The following CHODL variants were observed in gnomAD, a reference collection of about 807,000 sequenced individuals.
The protein encoded by CHODL is transmembrane protein MT75.
In CHODL, 29 loss-of-function variants were observed where a neutral mutation model predicts 34.5. The observed-to-expected ratio is 0.84, with a 90% CI of 0.63 to 1.15. CHODL has a LOEUF of 1.15. Ranked by LOEUF, CHODL falls within the 50% of genes most tolerant of loss-of-function variation. The probability of loss-of-function intolerance (pLI) is 0.00; values close to 1 mark genes in which losing one functional copy is unlikely to be tolerated. For synonymous variants in CHODL, 125 were observed against 116.1 expected (o/e 1.08, Z -0.49); for missense variants, 332 against 332.5 (o/e 1.00, Z 0.01).
At chr21:17,960,795 T>G (rs1568817947) in intron 1 of CHODL, among the ~76,000 whole-genome samples, 2 of 152,276 alleles carry the variant, frequency 1.3e-5, no homozygotes, top group Non-Finnish European at 2.9e-5. Context: ...TTGATCAACA[T>G]TCCTCCTCAA....
chr21:18,129,529 T>C lies in CHODL; in HGVS notation c.-45+101558T>C, dbSNP rs969235126. On this transcript the variant is annotated intron_variant, in intron 2 of 6. Transcript: ENST00000400127. Reference sequence around the variant, plus strand: ...GAGGAAATTCTATCAATTTGAATAATAGACAGTGAGAGTTCTTGAGTTCTT... The same window carrying C: ...GAGGAAATTCTATCAATTTGAATAACAGACAGTGAGAGTTCTTGAGTTCTT... Among the ~76,000 whole-genome samples the C allele has an allele frequency of 6.9e-4, 105 of 152,204 alleles. 1 individual carries two copies. Among genetic ancestry groups the C allele is most frequent in the African/African-American group, 2.5e-3 (103 of 41,454 alleles).
chr21:18,192,589 A>G lies in CHODL; in HGVS notation c.-44-63920A>G, dbSNP rs990067432. On this transcript the variant is annotated intron_variant, in intron 2 of 6. Coordinates refer to the CHODL transcript ENST00000400127. Reference sequence around the variant, plus strand: ...ACATTTACATAGGTTTACTAGTGCTATATTTTAACTTGGACATATCATTTT... The same window carrying G: ...ACATTTACATAGGTTTACTAGTGCTGTATTTTAACTTGGACATATCATTTT... 5.3e-5 allele frequency among the ~76,000 whole-genome samples: 8 copies of G among 152,196 alleles called. No homozygotes were observed. In the East Asian group the frequency reaches 1.3e-3, roughly 26 times the overall value.
chr21:18,217,024 A>G (rs1601160140), intron 2 of CHODL, among the ~76,000 whole-genome samples: 1 of 152,240 alleles, frequency 6.6e-6, no homozygotes, highest in East Asian at 1.9e-4. Flanking sequence ...TACAATATAT[A>G]CCACATTTTC....
At chr21:18,136,105 CA>C (rs67552520) in intron 2 of CHODL, among the ~76,000 whole-genome samples, 6 of 89,472 alleles carry the variant, frequency 6.7e-5, no homozygotes, top group Non-Finnish European at 1.0e-4. Context: ...GATTATGTCT[CA>C]AAAAAAAAAA....
intron 2 of CHODL, among the ~76,000 whole-genome samples, chr21:18,102,599 C>A (rs2065228845): frequency 6.6e-6 from 1 of 152,048 alleles, no homozygotes; most frequent in Non-Finnish European, 1.5e-5. Context: ...TGCTGTTTAA[C>A]AAAAAATCAC....
chr21:18,106,497 T>C (rs1006445733), intron 2 of CHODL, among the ~76,000 whole-genome samples: 4 of 119,206 alleles, frequency 3.4e-5, no homozygotes, highest in African/African-American at 1.2e-4. Context: ...TTCTTTTTCT[T>C]TTTCTTTTTT....
At chr21:18,086,613 G>C (rs188987181) in intron 2 of CHODL, among the ~76,000 whole-genome samples, 1 of 152,246 alleles carries the variant, frequency 6.6e-6, no homozygotes, top group East Asian at 1.9e-4. Flanking sequence ...GTTGTACACA[G>C]GGTCAGTGGT....
chr21:18,036,896 GC>G (rs1176428731), intron 2 of CHODL, among the ~76,000 whole-genome samples: 1 of 151,774 alleles, frequency 6.6e-6, no homozygotes, highest in African/African-American at 2.4e-5. Context: ...GAATAGCATT[GC>G]CCTGCCATAT....
At chr21:18,134,709 T>A (rs111567067) in intron 2 of CHODL, among the ~76,000 whole-genome samples, 2 of 152,220 alleles carry the variant, frequency 1.3e-5, no homozygotes, top group African/African-American at 2.4e-5. Flanking sequence ...CTGAAGGTAC[T>A]TTCACCTCTC....
chr21:18,090,716 A>C (rs1388417286), intron 2 of CHODL, among the ~76,000 whole-genome samples: 1 of 119,350 alleles, frequency 8.4e-6, no homozygotes, highest in African/African-American at 3.2e-5. Context: ...ACTTGCTATT[A>C]TAATTTCCAG....
At chr21:18,237,050 T>G (rs2074035025) in intron 2 of CHODL, among the ~76,000 whole-genome samples, 1 of 152,060 alleles carries the variant, frequency 6.6e-6, no homozygotes, top group African/African-American at 2.4e-5. Flanking sequence ...TTTTAAAAAA[T>G]CAGAGCAAGA....
intron 1 of CHODL, among the ~76,000 whole-genome samples, chr21:18,025,771 C>G (rs2064168824): frequency 1.3e-5 from 2 of 152,086 alleles, no homozygotes; most frequent in African/African-American, 4.8e-5. Context: ...GAGGCTTTAA[C>G]TCTTTGACTC....
chr21:18,224,095 T>C (rs919100875), intron 2 of CHODL, among the ~76,000 whole-genome samples: 2 of 152,128 alleles, frequency 1.3e-5, no homozygotes, highest in Admixed American at 6.5e-5. Context: ...TTCTTGGGAC[T>C]CTGAATACTG....
chr21:18,212,334 A>G (rs1209022903), intron 2 of CHODL, among the ~76,000 whole-genome samples: 5 of 152,182 alleles, frequency 3.3e-5, no homozygotes, highest in African/African-American at 9.6e-5. Flanking sequence ...GGTTTTAGAT[A>G]CAAGTATTGA....
chr21:18,101,940 T>G (rs2065220159), intron 2 of CHODL, among the ~76,000 whole-genome samples: 1 of 151,976 alleles, frequency 6.6e-6, no homozygotes, highest in Non-Finnish European at 1.5e-5. Context: ...TTAATAAGGA[T>G]AAAAAATAAG....
chr21:18,126,328 T>G (rs1386879395), intron 2 of CHODL, among the ~76,000 whole-genome samples: 1 of 152,272 alleles, frequency 6.6e-6, no homozygotes, highest in Non-Finnish European at 1.5e-5. Context: ...ATGTACATTT[T>G]TTAAGAAACA....
chr21:18,217,281 T>C (rs2073839626), intron 2 of CHODL, among the ~76,000 whole-genome samples: 1 of 152,050 alleles, frequency 6.6e-6, no homozygotes, highest in South Asian at 2.1e-4. Flanking sequence ...GTAATTCATA[T>C]GGGAAAGAGG....
At chr21:17,971,814 T>G (rs2063617071) in intron 1 of CHODL, among the ~76,000 whole-genome samples, 1 of 152,104 alleles carries the variant, frequency 6.6e-6, no homozygotes, top group Non-Finnish European at 1.5e-5. Flanking sequence ...GAGGCCAGCA[T>G]CATCCTGATA....
At chr21:18,186,738 A>G (rs2073445602) in intron 2 of CHODL, among the ~76,000 whole-genome samples, 2 of 152,168 alleles carry the variant, frequency 1.3e-5, no homozygotes, top group South Asian at 2.1e-4. Context: ...AATCCACACA[A>G]TAATATTTCT....
Sources: gnomAD v4.1 joint callset for allele counts (sites outside exome capture counted in the v4.1 genomes callset) on GRCh38, gnomAD v4.1.1 for gene constraint, MANE v1.5 for transcripts, NCBI Gene and HGNC (gene_info 2026-07-23, HGNC 2026-07-21) for gene names.